CCSER1: variants seen among roughly 807,000 people sequenced by gnomAD.
The protein encoded by CCSER1 is coiled-coil serine rich protein 1.
CCSER1 carries 41 observed loss-of-function variants against 82.0 expected under a neutral mutation model. That is an observed-to-expected ratio of 0.50 (90% CI 0.39 to 0.65). CCSER1 has a LOEUF of 0.65. CCSER1 is among the 30% of genes least tolerant of loss of function. The probability of loss-of-function intolerance (pLI) is 0.00; values close to 1 mark genes in which losing one functional copy is unlikely to be tolerated. For synonymous variants in CCSER1, 414 were observed against 383.9 expected, an observed-to-expected ratio of 1.08 and a Z score of -0.92; for missense variants, 1,119 against 1,064.2, an observed-to-expected ratio of 1.05 and a Z score of -0.72.
chr4:91,391,547 C>G (rs779106281), intron 10 of CCSER1, among the ~76,000 whole-genome samples: 1 of 152,076 alleles, frequency 6.6e-6, no homozygotes, highest in Non-Finnish European at 1.5e-5. Context: ...GTGATCTACC[C>G]GCCATGTCCT....
chr4:91,418,303 T>TAAAAAAAAAAAAAAAAA (rs142070235), intron 10 of CCSER1, among the ~76,000 whole-genome samples: 4 of 113,634 alleles, frequency 3.5e-5, no homozygotes, highest in East Asian at 2.7e-4. Context: ...ATTTTTTAAT[T>TAAAAAAAAAAAAAAAAA]AAAAAAAAAA....
intron 5 of CCSER1, among the ~76,000 whole-genome samples, chr4:90,483,142 C>T (rs1365714834): frequency 6.6e-6 from 1 of 152,076 alleles, no homozygotes; most frequent in Non-Finnish European, 1.5e-5. Flanking sequence ...TTCTTTGTCT[C>T]TCTTGATCTT....
intron 10 of CCSER1, among the ~76,000 whole-genome samples, chr4:91,529,789 G>A (rs1302737013): frequency 1.3e-5 from 2 of 152,038 alleles, no homozygotes; most frequent in Non-Finnish European, 1.5e-5. Flanking sequence ...GTCTGTATAT[G>A]TTCTCTCCTT....
chr4:90,337,389 G>C (rs1025531016), intron 3 of CCSER1, among the ~76,000 whole-genome samples: 3 of 152,190 alleles, frequency 2.0e-5, no homozygotes. Flanking sequence ...GTCGTGAAGA[G>C]GGATTTAGTT....
intron 5 of CCSER1, among the ~76,000 whole-genome samples, chr4:90,589,632 A>C (rs543298564): frequency 6.6e-6 from 1 of 152,224 alleles, no homozygotes; most frequent in East Asian, 1.9e-4. Flanking sequence ...ATTATGATAA[A>C]ATGTTGCTAT....
chr4:90,158,497 C>T (rs1434298045), intron 1 of CCSER1, among the ~76,000 whole-genome samples: 1 of 152,214 alleles, frequency 6.6e-6, no homozygotes, highest in East Asian at 1.9e-4. Flanking sequence ...CCTACAGAGG[C>T]AGGCAGGCCT....
chr4:91,162,308 A>C (rs1731503256), intron 10 of CCSER1, among the ~76,000 whole-genome samples: 1 of 152,108 alleles, frequency 6.6e-6, no homozygotes, highest in South Asian at 2.1e-4. Flanking sequence ...ATAAGCTTTT[A>C]GATGTGCTGC....
intron 1 of CCSER1, among the ~76,000 whole-genome samples, chr4:90,204,493 A>G (rs539253245): frequency 1.3e-5 from 2 of 152,336 alleles, no homozygotes; most frequent in Non-Finnish European, 2.9e-5. Context: ...GTCAAAGATC[A>G]GATGGCTCTA....
chr4:91,067,108 G>A (rs948471542), intron 9 of CCSER1, among the ~76,000 whole-genome samples: 14 of 151,282 alleles, frequency 9.3e-5, no homozygotes, highest in Non-Finnish European at 1.9e-4. Flanking sequence ...AGCTTGCAGT[G>A]AGCAGAGATC....
At chr4:90,453,508 G>A (rs1761764852) in intron 4 of CCSER1, among the ~76,000 whole-genome samples, 1 of 152,172 alleles carries the variant, frequency 6.6e-6, no homozygotes, top group Admixed American at 6.5e-5. Flanking sequence ...AGAGAAGGAG[G>A]TGAGATCCTT....
chr4:90,744,158 A>T (rs2149452397), intron 7 of CCSER1, among the ~76,000 whole-genome samples: 1 of 152,314 alleles, frequency 6.6e-6, no homozygotes, highest in East Asian at 1.9e-4. Context: ...GGAAAAGTGC[A>T]AAGTATTGGG....
At position 90,301,295 on chromosome 4, in the gene CCSER1, T is replaced by C. The variant is rs1353198959; in HGVS notation, c.-41-6949T>C. On this transcript the variant is annotated intron_variant, in intron 1 of 10. Coordinates refer to ENST00000509176, the MANE Select transcript of CCSER1 (RefSeq NM_001145065.2). ...TAAGAAATTTGACTCTAATTTTATT[T>C]AGAATAGATCCTCCTATAATGTGGT... Among the ~76,000 whole-genome samples, 4 of 152,306 alleles carry C rather than the reference T, an allele frequency of 2.6e-5. No individual in the cohort carries two copies. The East Asian group carries it at 5.8e-4, about 22-fold the overall frequency.
intron 5 of CCSER1, among the ~76,000 whole-genome samples, chr4:90,596,167 A>G (rs992768459): frequency 6.6e-6 from 1 of 151,992 alleles, no homozygotes; most frequent in Non-Finnish European, 1.5e-5. Flanking sequence ...TTTAAAAATT[A>G]AACTACAAGA....
intron 7 of CCSER1, among the ~76,000 whole-genome samples, chr4:90,758,879 G>A (rs558509722): frequency 4.6e-5 from 7 of 152,270 alleles, no homozygotes; most frequent in African/African-American, 7.2e-5. Flanking sequence ...ATCTCATGGT[G>A]ATGGCTAAAG....
Position 91,158,711 on chromosome 4 carries a change from G to A in CCSER1, c.2217+72717G>A, listed in dbSNP as rs565227022. Among the ~76,000 whole-genome samples, 107 of 151,894 alleles carry A rather than the reference G, an allele frequency of 7.0e-4. 1 individual carries two copies. The highest frequency in any genetic ancestry group is 2.5e-3 in the African/African-American group (103 of 41,450). ...CATGCACGCACACACACACGGCCTT[G>A]TAAGACTTTAGTTTTGTTCACTAAG... On this transcript the variant is annotated intron_variant, in intron 10 of 10. Transcript: ENST00000509176.
At chr4:90,979,657 G>A (rs143258390) in intron 9 of CCSER1, among the ~76,000 whole-genome samples, 1 of 151,864 alleles carries the variant, frequency 6.6e-6, no homozygotes, top group East Asian at 1.9e-4. Context: ...TGAAATGTGA[G>A]TAGGAGTCTT....
At chr4:91,133,001 AT>A (rs1390558340) in intron 10 of CCSER1, among the ~76,000 whole-genome samples, 2 of 152,118 alleles carry the variant, frequency 1.3e-5, no homozygotes, top group Non-Finnish European at 2.9e-5. Context: ...TCAGGGCTTT[AT>A]TTATGTTTGA....
chr4:90,334,205 G>C (rs1441668032), intron 3 of CCSER1, among the ~76,000 whole-genome samples: 1 of 152,066 alleles, frequency 6.6e-6, no homozygotes, highest in Non-Finnish European at 1.5e-5. Context: ...TAGAATAAAG[G>C]TGAGATGCTA....
rs757901995 is a variant in CCSER1, at chr4:91,115,861, T to TA, written c.2217+29867_2217+29868insA. 3.5e-3 allele frequency among the ~76,000 whole-genome samples: 462 copies of TA among 133,530 alleles called. 3 individuals carry two copies. Among genetic ancestry groups the TA allele is most frequent in the South Asian group, 0.013 (51 of 3,910 alleles). 87.6% of individuals were successfully genotyped at this position (133,530 alleles called of 152,430 possible). On this transcript the variant is annotated intron_variant, in intron 10 of 10. Coordinates refer to ENST00000509176, the MANE Select transcript of CCSER1 (RefSeq NM_001145065.2). ...TTCTTTTATATATATATATATATAT[T>TA]TTTTTTTATTATACTTTAAGTTCTA...
Sources: allele counts gnomAD v4.1 joint callset (sites outside exome capture counted in the v4.1 genomes callset), GRCh38; gene constraint gnomAD v4.1.1; transcripts MANE v1.5; gene names NCBI Gene and HGNC (gene_info 2026-07-23, HGNC 2026-07-21).